The following EIF4G3 variants were observed in gnomAD, a reference collection of about 807,000 sequenced individuals.
EIF4G3 encodes the protein eIF-4-gamma 3.
In EIF4G3, 34 loss-of-function variants were observed where a neutral mutation model predicts 186.4. The ratio of observed to expected loss-of-function variants is 0.18; its 90% CI spans 0.14 to 0.24. The LOEUF (loss-of-function observed/expected upper bound fraction) is 0.24, where lower values mean the gene tolerates loss of function less well. Ranked by LOEUF, EIF4G3 falls within the 10% of genes least tolerant of loss-of-function variation. The pLI is 1.00. For synonymous variants in EIF4G3, 673 were observed against 679.5 expected (o/e 0.99, Z 0.15); for missense variants, 1,536 against 1,948.5 (o/e 0.79, Z 3.99).
At chr1:21,098,198 A>G (rs1163784823) in intron 2 of EIF4G3, among the ~76,000 whole-genome samples, 2 of 152,224 alleles carry the variant, frequency 1.3e-5, no homozygotes, top group East Asian at 3.8e-4. Context: ...ACTGTGGTAA[A>G]TACTTTTAAA....
intron 30 of EIF4G3, among the ~76,000 whole-genome samples, chr1:20,835,978 G>T (rs1200279524): frequency 6.6e-6 from 1 of 151,200 alleles, no homozygotes; most frequent in African/African-American, 2.4e-5. Flanking sequence ...TGGCTTCACT[G>T]CTGAATTCTA....
chr1:20,926,713 C>A (rs1484480354), intron 14 of EIF4G3, among the ~76,000 whole-genome samples: 3 of 150,420 alleles, frequency 2.0e-5, no homozygotes, highest in Non-Finnish European at 4.4e-5. Flanking sequence ...TTTTTCTTAC[C>A]AGGGTGGTGA....
At chr1:20,845,069 G>A (rs1471621425) in intron 29 of EIF4G3, among the ~76,000 whole-genome samples, 2 of 152,122 alleles carry the variant, frequency 1.3e-5, no homozygotes, top group African/African-American at 4.8e-5. Context: ...GAATGGTATT[G>A]TGTAAGTTTT....
chr1:20,835,832 G>C (rs900828071), intron 30 of EIF4G3, among the ~76,000 whole-genome samples: 1 of 151,976 alleles, frequency 6.6e-6, no homozygotes, highest in Non-Finnish European at 1.5e-5. Context: ...AGCTACTTGA[G>C]AGGTTGAGAT....
At chr1:20,811,383 G>A (rs2059214983) in intron 35 of EIF4G3, among the ~76,000 whole-genome samples, 1 of 152,160 alleles carries the variant, frequency 6.6e-6, no homozygotes. Flanking sequence ...AAAATGCTGG[G>A]ATTACAGGCA....
At chr1:20,892,642 G>A in intron 18 of EIF4G3, 1 of 1,535,910 alleles carries the variant, frequency 6.5e-7, no homozygotes, top group Non-Finnish European at 8.7e-7. Context: ...CTCTTCATGG[G>A]TGGGTGTGAC....
chr1:20,819,405 C>A (rs2061766386), intron 33 of EIF4G3, among the ~76,000 whole-genome samples: 1 of 150,832 alleles, frequency 6.6e-6, no homozygotes, highest in Non-Finnish European at 1.5e-5. Context: ...GCAGCCTTGA[C>A]CTCCGATTGC....
At chr1:20,932,297 A>C (rs2095346708) in intron 14 of EIF4G3, among the ~76,000 whole-genome samples, 1 of 152,182 alleles carries the variant, frequency 6.6e-6, no homozygotes, top group South Asian at 2.1e-4. Flanking sequence ...TGATCTATCC[A>C]GACCACTGAA....
Position 21,176,230 on chromosome 1 carries a change from CT to C in EIF4G3, c.-328del. 1 of 386,692 alleles carries C rather than the reference CT, an allele frequency of 2.6e-6. No individual in the cohort carries two copies. The highest frequency in any genetic ancestry group is 4.4e-6 in the Non-Finnish European group (1 of 225,010). 24.0% of individuals were successfully genotyped at this position (386,692 alleles called of 1,614,324 possible). A position where few individuals can be genotyped will look rare whatever the true frequency, so the allele number is the denominator to read the frequency against. On this transcript the variant is annotated 5_prime_UTR_variant, in exon 2 of 37. Coordinates refer to ENST00000602326, the MANE Select transcript of EIF4G3 (RefSeq NM_001391906.1). ...ATGTTCGGGTGAGGAGGGGGGACCGCTGCCGCCGCCGCCGCCGCCGCCGCCG... is the reference window on the plus strand; with the variant it reads ...ATGTTCGGGTGAGGAGGGGGGACCGCGCCGCCGCCGCCGCCGCCGCCGCCG...
In EIF4G3 at chr1:20,813,228, G is replaced by C. The variant is rs761362334; in HGVS notation, c.4527C>G (p.Asp1509Glu). ...ATGTAGGTGAACTCATCTGGATTTC[G>C]TCTAGATTAGCCTGAAGTCAAAAAG... is the stretch of plus-strand genomic sequence containing the variant. The part of the protein sequence containing the change: ...QIFDWVEANL[D>E]EIQMSSPTFL... Residue 1509 changes from aspartate to glutamate, a missense_variant, in exon 35 of 37, where the codon GAC becomes GAG. Around this residue, in one of 11 missense-constraint regions of EIF4G3, gnomAD observed 395 missense variants for 498.9 expected, o/e 0.79. Transcript: ENST00000602326. 6.2e-7 allele frequency: 1 copy of C among 1,612,594 alleles called. No individual in the cohort carries two copies.
intron 18 of EIF4G3, among the ~76,000 whole-genome samples, chr1:20,889,803 T>G (rs983060972): frequency 6.6e-6 from 1 of 152,126 alleles, no homozygotes; most frequent in African/African-American, 2.4e-5. Context: ...AATTTTATTT[T>G]AAAAATAACT....
intron 4 of EIF4G3, among the ~76,000 whole-genome samples, chr1:21,038,764 TAA>T (rs943827985): frequency 1.3e-5 from 2 of 149,210 alleles, no homozygotes; most frequent in African/African-American, 4.9e-5. Context: ...GGAGTGTCTA[TAA>T]AAGTTATGTA....
At chr1:20,847,903 C>A (rs983704927) in intron 29 of EIF4G3, 1 of 457,042 alleles carries the variant, frequency 2.2e-6, no homozygotes, top group Non-Finnish European at 4.5e-6. Flanking sequence ...CTATAGATAA[C>A]CAAGGTGATT....
chr1:21,176,802 G>C lies in EIF4G3; in HGVS notation c.-536C>G, dbSNP rs1397634312. 2 of 701,150 alleles carry C rather than the reference G, an allele frequency of 2.9e-6. No individual in the cohort carries two copies. 43.4% of individuals were successfully genotyped at this position (701,150 alleles called of 1,614,324 possible). ...GGAGGAAGCGGCGCCCTTCTCGGTA[G>C]CGGGGCTCAGGCGATGCCGGTGGAT... is the stretch of plus-strand genomic sequence containing the variant. On this transcript the variant is annotated 5_prime_UTR_variant, in exon 1 of 37. Coordinates refer to ENST00000602326, the MANE Select transcript of EIF4G3 (RefSeq NM_001391906.1).
intron 14 of EIF4G3, among the ~76,000 whole-genome samples, chr1:20,935,681 C>A (rs2095496595): frequency 6.6e-6 from 1 of 152,146 alleles, no homozygotes; most frequent in Non-Finnish European, 1.5e-5. Flanking sequence ...AAGTGTTTAT[C>A]ATTTCTTTGT....
chr1:20,866,937 A>C (rs1293842677), intron 20 of EIF4G3, among the ~76,000 whole-genome samples: 1 of 152,186 alleles, frequency 6.6e-6, no homozygotes, highest in East Asian at 1.9e-4. Flanking sequence ...TCCGGCCCAC[A>C]ATCTATCATC....
chr1:21,079,448 G>A (rs752083233), intron 3 of EIF4G3, among the ~76,000 whole-genome samples: 15 of 149,526 alleles, frequency 1.0e-4, no homozygotes, highest in Non-Finnish European at 1.6e-4. Flanking sequence ...CAGGAAAATT[G>A]CTTGAGTTCA....
chr1:20,999,488 G>A, intron 6 of EIF4G3: 1 of 319,764 alleles, frequency 3.1e-6, no homozygotes, highest in Non-Finnish European at 6.2e-6. Flanking sequence ...GAGTATGGCA[G>A]TACCTGTCTT....
At chr1:21,021,983 T>A (rs139966617) in intron 4 of EIF4G3, among the ~76,000 whole-genome samples, 3 of 152,178 alleles carry the variant, frequency 2.0e-5, no homozygotes, top group Admixed American at 2.0e-4. Flanking sequence ...ATCCAGCAAA[T>A]ACGTAAATTT....
Sources: gnomAD v4.1 joint callset for allele counts (sites outside exome capture counted in the v4.1 genomes callset) on GRCh38, gnomAD v4.1.1 for gene constraint, gnomAD v4.1.1 regional missense constraint, MANE v1.5 for transcripts, NCBI Gene and HGNC (gene_info 2026-07-23, HGNC 2026-07-21) for gene names.